The following PATJ variants were observed in gnomAD, a reference collection of about 807,000 sequenced individuals.
The protein encoded by PATJ is inaD-like protein.
PATJ carries 190 observed loss-of-function variants against 224.9 expected under a neutral mutation model. The observed-to-expected ratio is 0.84, with a 90% CI of 0.75 to 0.95. The LOEUF is 0.95. Ranked by LOEUF, PATJ falls within the 40% of genes least tolerant of loss-of-function variation. The pLI is 0.00. For synonymous variants in PATJ, 769 were observed against 820.3 expected, an observed-to-expected ratio of 0.94 and a Z score of 1.07; for missense variants, 2,121 against 2,270.3, an observed-to-expected ratio of 0.93 and a Z score of 1.34.
At chr1:61,861,706 A>G (rs536542414) in intron 19 of PATJ, 39 bp downstream of exon 19, 23 of 860,198 alleles carry the variant, frequency 2.7e-5, no homozygotes, top group African/African-American at 2.5e-4. Flanking sequence ...ATGATTTGCT[A>G]TGAGCTAAAA....
At chr1:61,768,195 C>T (rs1646396287) in intron 4 of PATJ, among the ~76,000 whole-genome samples, 1 of 152,062 alleles carries the variant, frequency 6.6e-6, no homozygotes, top group Non-Finnish European at 1.5e-5. Context: ...TTGGGCTGCG[C>T]ATGGTGACTC....
intron 41 of PATJ, among the ~76,000 whole-genome samples, chr1:62,137,688 T>TGAGGGGGGACAGAGGC (rs1201175437): frequency 3.6e-5 from 2 of 55,248 alleles, no homozygotes; most frequent in African/African-American, 7.5e-5. Flanking sequence ...GGGATAGCAG[T>TGAGGGGGGACAGAGGC]TTGTGGGGGG....
intron 17 of PATJ, among the ~76,000 whole-genome samples, chr1:61,841,341 G>A (rs1161299700): frequency 6.6e-6 from 1 of 152,092 alleles, no homozygotes; most frequent in Non-Finnish European, 1.5e-5. Context: ...GCCTGTGCAA[G>A]CCTACTGTCT....
intron 17 of PATJ, among the ~76,000 whole-genome samples, chr1:61,835,489 T>C (rs1325747239): frequency 3.9e-5 from 6 of 152,260 alleles, no homozygotes; most frequent in African/African-American, 1.4e-4. Flanking sequence ...CTGCAATCTC[T>C]GCCTCCTGGG....
intron 32 of PATJ, among the ~76,000 whole-genome samples, chr1:62,083,500 G>A (rs1037516535): frequency 1.3e-5 from 2 of 151,776 alleles, no homozygotes; most frequent in Non-Finnish European, 2.9e-5. Flanking sequence ...ATAAACAGGT[G>A]TTAGTAAACA....
chr1:62,099,817 G>A (rs544715304), intron 33 of PATJ, among the ~76,000 whole-genome samples: 44 of 152,218 alleles, frequency 2.9e-4, no homozygotes, highest in African/African-American at 1.0e-3. Flanking sequence ...CAGCCCACAG[G>A]AGACCCTTAG....
intron 41 of PATJ, among the ~76,000 whole-genome samples, chr1:62,134,934 G>T (rs1666666582): frequency 6.6e-6 from 1 of 152,158 alleles, no homozygotes; most frequent in African/African-American, 2.4e-5. Flanking sequence ...AAGACGGATG[G>T]CTTACCCAGG....
rs987387638 is a variant in PATJ, at chr1:61,914,639, A to G, written c.3545A>G (p.Gln1182Arg). ...AACAAAATCACCGGTAACCAGAACC[A>G]GGACACCCAAGAAAAGAAAGAAAAG... Reference protein sequence around the residue: ...KANKITGNQNQDTQEKKEKRQ... With the variant: ...KANKITGNQNRDTQEKKEKRQ... The change falls in exon 26 of 44, where the codon CAG becomes CGG. Residue 1182 changes from glutamine to arginine, a missense_variant. Gln to Arg is a conservative substitution (Grantham distance 43). Transcript: ENST00000642238. 3 of 1,579,194 alleles carry G rather than the reference A, an allele frequency of 1.9e-6. No homozygotes were observed. In the African/African-American group the frequency reaches 4.0e-5, roughly 21 times the overall value.
At chr1:62,051,133 A>G (rs1653537698) in intron 31 of PATJ, 75 bp downstream of exon 31, 1 of 1,070,834 alleles carries the variant, frequency 9.3e-7, no homozygotes, top group South Asian at 1.4e-5. Flanking sequence ...CACCTTGGAA[A>G]GAACCACCTA....
At chr1:62,021,098 G>A (rs183279547) in intron 29 of PATJ, among the ~76,000 whole-genome samples, 51 of 152,230 alleles carry the variant, frequency 3.4e-4, no homozygotes, top group African/African-American at 9.6e-4. Context: ...AAAGTGCTGG[G>A]ATCACAGACG....
intron 30 of PATJ, among the ~76,000 whole-genome samples, chr1:62,045,688 G>A: frequency 6.6e-6 from 1 of 152,154 alleles, no homozygotes; most frequent in East Asian, 1.9e-4. Flanking sequence ...GGAACACCCA[G>A]CCATCCGGAT....
At chr1:61,982,462 G>A (rs963809558) in intron 27 of PATJ, among the ~76,000 whole-genome samples, 3 of 151,978 alleles carry the variant, frequency 2.0e-5, no homozygotes, top group Non-Finnish European at 4.4e-5. Flanking sequence ...GGTCACCTCA[G>A]TTCTCTGAGT....
chr1:62,057,953 C>T (rs1052636657), intron 31 of PATJ, among the ~76,000 whole-genome samples: 3 of 152,218 alleles, frequency 2.0e-5, no homozygotes, highest in African/African-American at 7.2e-5. Flanking sequence ...TGACACTTGT[C>T]ATTACAGACC....
chr1:61,782,585 A>C (rs1331786664), intron 7 of PATJ, among the ~76,000 whole-genome samples: 1 of 152,208 alleles, frequency 6.6e-6, no homozygotes, highest in African/African-American at 2.4e-5. Context: ...ATTTATAGGA[A>C]TCTTTTAAGA....
At position 61,864,481 on chromosome 1, in the gene PATJ, C is replaced by A. The variant is rs1186389134; in HGVS notation, c.2683C>A (p.Gln895Lys). ...GGAGTTGTATCCCTTGTCGCACATT[C>A]AAGAGGCCACTCCTGTGCCCTCTGT... ...SMELYPLSHI[Q>K]EATPVPSVNE... The change falls in exon 20 of 44, where the codon CAA (glutamine) becomes AAA (lysine). Residue 895 changes from glutamine to lysine, a missense_variant. Physicochemically the swap from Gln to Lys is moderately conservative, Grantham distance 53 (BLOSUM62 1). Coordinates refer to ENST00000642238, the MANE Select transcript of PATJ (RefSeq NM_001350145.3). 6.2e-7 allele frequency: 1 copy of A among 1,613,884 alleles called. No individual in the cohort carries two copies. Among genetic ancestry groups the A allele is most frequent in the Non-Finnish European group, 8.5e-7 (1 of 1,179,910 alleles).
intron 14 of PATJ, among the ~76,000 whole-genome samples, chr1:61,822,010 G>A (rs146230440): frequency 7.9e-5 from 12 of 152,294 alleles, no homozygotes; most frequent in African/African-American, 2.4e-4. Flanking sequence ...ATGGATAAAC[G>A]ATTGCCTTTC....
intron 10 of PATJ, among the ~76,000 whole-genome samples, chr1:61,796,724 T>TTCTTTTTCTTTCTTTC (rs1223383945): frequency 2.7e-4 from 14 of 52,742 alleles, no homozygotes; most frequent in Non-Finnish European, 4.8e-4. Flanking sequence ...CTTTCTTTCT[T>TTCTTTTTCTTTCTTTC]TTTCTTTCTT....
intron 17 of PATJ, among the ~76,000 whole-genome samples, chr1:61,835,873 A>G (rs1660098642): frequency 6.6e-6 from 1 of 152,196 alleles, no homozygotes; most frequent in Non-Finnish European, 1.5e-5. Context: ...TTTAGAAGAT[A>G]CCTTTCAGAT....
chr1:61,792,358 T>C (rs527622323), intron 9 of PATJ, among the ~76,000 whole-genome samples: 10 of 152,182 alleles, frequency 6.6e-5, no homozygotes, highest in Admixed American at 1.3e-4. Context: ...AAAAACCACA[T>C]CAAGTAGTTT....
Sources: gnomAD v4.1 joint callset for allele counts (sites outside exome capture counted in the v4.1 genomes callset) on GRCh38, gnomAD v4.1.1 for gene constraint, MANE v1.5 for transcripts, NCBI Gene and HGNC (gene_info 2026-07-23, HGNC 2026-07-21) for gene names.